The following BRWD3 variants were observed in gnomAD, a reference collection of about 807,000 sequenced individuals.
BRWD3 encodes the protein bromodomain and WD repeat-containing protein 3.
In BRWD3, 10 loss-of-function variants were observed where a neutral mutation model predicts 149.7. That is an observed-to-expected ratio of 0.07 (90% CI 0.04 to 0.11). The LOEUF (loss-of-function observed/expected upper bound fraction) is 0.11, where lower values mean the gene tolerates loss of function less well. Ranked by LOEUF, BRWD3 falls within the 10% of genes least tolerant of loss-of-function variation. The pLI is 1.00. For synonymous variants in BRWD3, 504 were observed against 456.7 expected (o/e 1.10, Z -1.32); for missense variants, 940 against 1,373.2 (o/e 0.68, Z 4.99).
chrX:80,714,587 C>G (rs1276590392), intron 20 of BRWD3, among the ~76,000 whole-genome samples: 1 of 111,672 alleles, frequency 9.0e-6, no homozygotes, highest in Non-Finnish European at 1.9e-5. Context: ...TGATTGATGT[C>G]TTATGTATCC....
rs73630398 is a variant in BRWD3 at position 80,708,062 on chromosome X, T to C, written c.2476-559A>G. ...TATTTACTAAGATTAGGATTTGTTT[T>C]AAAAGTACAACCGCAATGCTGTTAT... On this transcript the variant is annotated intron_variant, in intron 21 of 40. Coordinates refer to ENST00000373275, the MANE Select transcript of BRWD3 (RefSeq NM_153252.5). Among the ~76,000 whole-genome samples, 799 of 112,140 alleles carry C rather than the reference T, an allele frequency of 7.1e-3. 8 individuals carry two copies. Among genetic ancestry groups the C allele is most frequent in the African/African-American group, 0.024 (749 of 30,861 alleles).
Position 80,675,678 on chromosome X carries a change from T to C in BRWD3, c.*931A>G, listed in dbSNP as rs1237506665. The C allele has an allele frequency of 2.7e-5, 3 of 111,770 alleles. No homozygotes were observed. The Admixed American group carries it at 2.9e-4, about 11-fold the overall frequency. 9.2% of individuals were successfully genotyped at this position (111,770 alleles called of 1,213,427 possible). On this transcript the variant is annotated 3_prime_UTR_variant, in exon 41 of 41. Coordinates refer to ENST00000373275, the MANE Select transcript of BRWD3 (RefSeq NM_153252.5). ...TTTTCCTTAATGTTTCCAGTAGTTG[T>C]AGTTAAGAGGTAGCTGAGCTACTGT...
chrX:80,689,345 A>G (rs1165151822), intron 33 of BRWD3, among the ~76,000 whole-genome samples: 1 of 111,827 alleles, frequency 8.9e-6, no homozygotes, highest in Non-Finnish European at 1.9e-5. Context: ...GAAATCGAGT[A>G]ATAATTTCAT....
At chrX:80,803,566 C>CAGTAGTCAGG (rs1465431163) in intron 4 of BRWD3, among the ~76,000 whole-genome samples, 101 of 111,975 alleles carry the variant, frequency 9.0e-4, no homozygotes, top group African/African-American at 3.2e-3. Context: ...TCAAGCAAGT[C>CAGTAGTCAGG]AGTAGTCAGG....
At chrX:80,689,656 A>C (rs1385492898) in intron 33 of BRWD3, 112 bp downstream of exon 33, 1 of 655,705 alleles carries the variant, frequency 1.5e-6, no homozygotes, top group Non-Finnish European at 2.4e-6. Context: ...ATTCAGCCAG[A>C]TTTCAAAAAT....
chrX:80,715,474 G>A (rs959305242), intron 20 of BRWD3, among the ~76,000 whole-genome samples: 1 of 111,690 alleles, frequency 9.0e-6, no homozygotes, highest in African/African-American at 3.3e-5. Context: ...GGTTAAATTT[G>A]GGAACAAAAC....
chrX:80,698,708 TAA>T (rs5902803), intron 25 of BRWD3, among the ~76,000 whole-genome samples: 1 of 94,786 alleles, frequency 1.1e-5, no homozygotes, highest in Non-Finnish European at 2.1e-5. Context: ...GACTCTGTCT[TAA>T]AAAAAAAAAA....
rs911332216 is a variant in BRWD3 at position 80,676,062 on chromosome X, G to A, written c.*547C>T. ...GTCATGAAAGTTTGGCCTGGGAAGA[G>A]TAAAATAATCCAGATCGCTCTTACA... On this transcript the variant is annotated 3_prime_UTR_variant, in exon 41 of 41. Coordinates refer to ENST00000373275, the MANE Select transcript of BRWD3 (RefSeq NM_153252.5). 1 of 116,424 alleles carries A rather than the reference G, an allele frequency of 8.6e-6. No individual in the cohort carries two copies. The highest frequency in any genetic ancestry group is 8.7e-5 in the Admixed American group (1 of 11,500). The allele number at this position is 116,424 out of a possible 1,213,427, so 9.6% of individuals were successfully genotyped here.
At chrX:80,792,216 TTAAA>T (rs2074189266) in intron 5 of BRWD3, among the ~76,000 whole-genome samples, 1 of 112,306 alleles carries the variant, frequency 8.9e-6, no homozygotes, top group Non-Finnish European at 1.9e-5. Context: ...TATTTGAATC[TTAAA>T]TAAATATGTC....
In BRWD3 at chrX:80,672,174, T is replaced by TAG. The variant is rs1040144915; in HGVS notation, c.*4434_*4435insCT. The TAG allele has an allele frequency of 2.7e-5, 3 of 110,304 alleles. No individual in the cohort carries two copies. Among genetic ancestry groups the TAG allele is most frequent in the African/African-American group, 9.9e-5 (3 of 30,260 alleles). 9.1% of individuals were successfully genotyped at this position (110,304 alleles called of 1,213,427 possible). A position where few individuals can be genotyped will look rare whatever the true frequency, so the allele number is the denominator to read the frequency against. Reference sequence around the variant, plus strand: ...CAACTTAATTCTAAACTGCAGGGCCTTTCTACTGTACTTCTCCCATCAATG... The same window carrying TAG: ...CAACTTAATTCTAAACTGCAGGGCCTAGTTCTACTGTACTTCTCCCATCAATG... On this transcript the variant is annotated 3_prime_UTR_variant, in exon 41 of 41. Transcript: ENST00000373275.
intron 6 of BRWD3, among the ~76,000 whole-genome samples, chrX:80,771,705 T>C (rs752940414): frequency 1.4e-4 from 16 of 111,703 alleles, no homozygotes; most frequent in Non-Finnish European, 2.4e-4. Context: ...AGAAAATTTT[T>C]GCAACCTACC....
At chrX:80,720,706 T>A (rs940180369) in intron 17 of BRWD3, among the ~76,000 whole-genome samples, 7 of 112,108 alleles carry the variant, frequency 6.2e-5, no homozygotes, top group Non-Finnish European at 1.3e-4. Context: ...TGTATAGTAA[T>A]GTTCTAGGCC....
intron 4 of BRWD3, among the ~76,000 whole-genome samples, chrX:80,794,687 C>T (rs2074219085): frequency 1.8e-5 from 2 of 109,867 alleles, no homozygotes; most frequent in African/African-American, 3.3e-5. Context: ...GATATGACAA[C>T]ATTTACATGG....
At chrX:80,724,844 C>G in intron 15 of BRWD3, 89 bp downstream of exon 15, 2 of 1,023,830 alleles carry the variant, frequency 2.0e-6, no homozygotes, top group Non-Finnish European at 2.7e-6. Context: ...CAAGAGGTTC[C>G]TCTGCACTAG....
chrX:80,743,709 G>A (rs899919093), intron 8 of BRWD3: 5 of 200,545 alleles, frequency 2.5e-5, no homozygotes, highest in African/African-American at 1.5e-4. Context: ...ATTCTCTGAT[G>A]GTAGAACTCA....
intron 6 of BRWD3, among the ~76,000 whole-genome samples, chrX:80,777,194 C>T (rs1162685219): frequency 1.8e-5 from 2 of 109,655 alleles, no homozygotes; most frequent in East Asian, 2.9e-4. Flanking sequence ...TCACTAACCA[C>T]GACAGAATTT....
At position 80,723,829 on chromosome X, in the gene BRWD3, T is replaced by G; in HGVS notation, c.1569A>C (p.Pro523=). ...CTGTGCAGGCAAAATGGTTTCCATC[T>G]GGTGAAAATTTACAATCAAACACCG... ...HGAVFDCKFS[P]DGNHFACTDS... Residue 523 remains proline, a synonymous_variant, in exon 16 of 41, where the codon CCA becomes CCC. Transcript: ENST00000373275. The G allele has an allele frequency of 8.3e-7, 1 of 1,211,120 alleles. No homozygotes were observed. The highest frequency in any genetic ancestry group is 1.1e-6 in the Non-Finnish European group (1 of 894,651).
intron 18 of BRWD3, among the ~76,000 whole-genome samples, chrX:80,718,761 C>T (rs2073105958): frequency 1.8e-5 from 2 of 111,442 alleles, no homozygotes; most frequent in Admixed American, 1.9e-4. Flanking sequence ...AGATAAATGA[C>T]TCTAGTTACA....
intron 40 of BRWD3, among the ~76,000 whole-genome samples, chrX:80,680,417 A>C (rs934677955): frequency 2.7e-5 from 3 of 112,325 alleles, no homozygotes; most frequent in African/African-American, 9.7e-5. Flanking sequence ...CCTTATATGA[A>C]ATAACAAACA....
Sources: allele counts gnomAD v4.1 joint callset (sites outside exome capture counted in the v4.1 genomes callset), GRCh38; gene constraint gnomAD v4.1.1; transcripts MANE v1.5; gene names NCBI Gene and HGNC (gene_info 2026-07-23, HGNC 2026-07-21).